Variants in ATP13A4 observed in about 807,000 individuals in gnomAD.
ATP13A4 encodes ATPase 13A4, also known as probable cation-transporting ATPase 13A4.
Under a neutral mutation model 142.5 loss-of-function variants are expected in ATP13A4, and 114 were observed. That is an observed-to-expected ratio of 0.80 (90% confidence interval 0.69 to 0.93). The LOEUF is 0.93. Ranked by LOEUF, ATP13A4 falls within the 40% of genes least tolerant of loss-of-function variation. The probability of loss-of-function intolerance (pLI) is 0.00; values close to 1 mark genes in which losing one functional copy is unlikely to be tolerated. For missense variants in ATP13A4, 1,392 were observed against 1,454.0 expected (o/e 0.96, Z 0.69); for synonymous variants, 488 against 514.8 (o/e 0.95, Z 0.70).
At chr3:193,556,885 C>A (rs139704753), upstream of ATP13A4, among the ~76,000 whole-genome samples, 60 of 152,202 alleles carry the variant, frequency 3.9e-4, no homozygotes, top group East Asian at 0.011. Flanking sequence ...CAAGCATATT[C>A]CAAATTTCAT....
At chr3:193,474,441 T>TCCC (rs1369675365) in intron 8 of ATP13A4, among the ~76,000 whole-genome samples, 7 of 144,210 alleles carry the variant, frequency 4.9e-5, no homozygotes, top group African/African-American at 1.8e-4. Flanking sequence ...GAAGCTGAGG[T>TCCC]AGGAGGATTA....
At chr3:193,465,177 A>T (rs1560207223) in intron 11 of ATP13A4, 49 bp from the exon 12 acceptor site, 13 of 1,578,660 alleles carry the variant, frequency 8.2e-6, no homozygotes, top group Non-Finnish European at 1.0e-5. Context: ...TCTGATGAAC[A>T]GCATATGACT....
intron 12 of ATP13A4, 58 bp from the exon 13 acceptor site, chr3:193,462,881 A>C: frequency 4.6e-5 from 71 of 1,543,842 alleles, no homozygotes; most frequent in Non-Finnish European, 5.6e-5. Context: ...GCGGTGGCTC[A>C]TGCCTGTAAT....
rs749717864 is a variant in ATP13A4 at position 193,421,244 on chromosome 3, G to A, written c.2843-6494C>T. Reference sequence around the variant, plus strand: ...TTTCTCAGCAAAATCCCTGCAGGACGGGAGAGAGTGAGATGATATATTCAA... The same window carrying A: ...TTTCTCAGCAAAATCCCTGCAGGACAGGAGAGAGTGAGATGATATATTCAA... On this transcript the variant is annotated intron_variant, in intron 25 of 29. Coordinates refer to ENST00000342695, the MANE Select transcript of ATP13A4 (RefSeq NM_032279.4). Among the ~76,000 whole-genome samples the A allele has an allele frequency of 4.0e-5, 6 of 149,634 alleles. 1 individual carries two copies. Among genetic ancestry groups the A allele is most frequent in the Non-Finnish European group, 8.9e-5 (6 of 67,716 alleles).
chr3:193,438,658 C>T, intron 22 of ATP13A4, 74 bp from the exon 23 acceptor site: 1 of 1,300,780 alleles, frequency 7.7e-7, no homozygotes, highest in Non-Finnish European at 1.1e-6. Context: ...AAGAAAAGGC[C>T]AGTTAAGCTG....
chr3:193,441,680 C>G, intron 19 of ATP13A4, 92 bp from the exon 20 acceptor site: 1 of 1,457,730 alleles, frequency 6.9e-7, no homozygotes, highest in East Asian at 2.3e-5. Context: ...TGAAGACAGA[C>G]CAGGATCTAT....
upstream of ATP13A4, among the ~76,000 whole-genome samples, chr3:193,555,866 G>A (rs747040251): frequency 3.3e-5 from 5 of 152,184 alleles, no homozygotes; most frequent in Non-Finnish European, 7.3e-5. Flanking sequence ...CACTGGCCTT[G>A]CTGTGTGATC....
At position 193,408,783 on chromosome 3, in the gene ATP13A4, C is replaced by T. The variant is rs373858235; in HGVS notation, c.3298-1390G>A. ...TCTGAGATGCTACACATCTAGCCCTCCTTCTTCCCTCCCTTCGTTTTAGAG... is the reference window on the plus strand; with the variant it reads ...TCTGAGATGCTACACATCTAGCCCTTCTTCTTCCCTCCCTTCGTTTTAGAG... On this transcript the variant is annotated intron_variant, in intron 28 of 29. Coordinates refer to ENST00000342695, the MANE Select transcript of ATP13A4 (RefSeq NM_032279.4). 3.3e-5 allele frequency among the ~76,000 whole-genome samples: 5 copies of T among 152,112 alleles called. No individual in the cohort carries two copies. In the South Asian group the frequency reaches 8.3e-4, roughly 25 times the overall value.
intron 25 of ATP13A4, among the ~76,000 whole-genome samples, chr3:193,422,776 G>A (rs1184662641): frequency 1.3e-5 from 2 of 149,506 alleles, no homozygotes; most frequent in African/African-American, 2.5e-5. Context: ...CATGAATAAA[G>A]AAGAAATAAC....
chr3:193,498,141 T>C (rs1401325463), intron 3 of ATP13A4, among the ~76,000 whole-genome samples: 1 of 152,164 alleles, frequency 6.6e-6, no homozygotes, highest in Middle Eastern at 3.2e-3. Context: ...ATTTGATTTA[T>C]ACATAATGTA....
At chr3:193,417,218 A>T (rs1715110809) in intron 25 of ATP13A4, 1 of 152,228 alleles carries the variant, frequency 6.6e-6, no homozygotes, top group African/African-American at 2.4e-5. Flanking sequence ...CCTAAAAGAA[A>T]TGCTAAAGGG....
chr3:193,477,115 G>A (rs935877584), intron 8 of ATP13A4, among the ~76,000 whole-genome samples: 2 of 151,976 alleles, frequency 1.3e-5, no homozygotes, highest in Non-Finnish European at 2.9e-5. Context: ...AAAACAAAGC[G>A]TGCTTGCATA....
At chr3:193,540,657 A>G (rs1246615401) in intron 1 of ATP13A4, among the ~76,000 whole-genome samples, 1 of 151,992 alleles carries the variant, frequency 6.6e-6, no homozygotes, top group Non-Finnish European at 1.5e-5. Context: ...GTATATCAGT[A>G]GGGCAATTAT....
At chr3:193,481,024 A>G (rs1006205009) in intron 8 of ATP13A4, among the ~76,000 whole-genome samples, 6 of 152,226 alleles carry the variant, frequency 3.9e-5, no homozygotes, top group African/African-American at 1.4e-4. Context: ...TAACTCAGGA[A>G]TGGAAAACTA....
intron 1 of ATP13A4, among the ~76,000 whole-genome samples, chr3:193,549,431 TATAGAGAGAG>T (rs2108726811): frequency 7.3e-6 from 1 of 136,378 alleles, no homozygotes; most frequent in Middle Eastern, 3.7e-3. Flanking sequence ...TATATATATA[TATAGAGAGAG>T]AGAGAGAGAG....
intron 26 of ATP13A4, among the ~76,000 whole-genome samples, chr3:193,413,901 C>T (rs1714909576): frequency 6.6e-6 from 1 of 152,090 alleles, no homozygotes; most frequent in Non-Finnish European, 1.5e-5. Flanking sequence ...TCTTTATTGG[C>T]CTCAGAAGCA....
chr3:193,554,824 C>T lies in ATP13A4; in HGVS notation c.-25G>A, dbSNP rs376810196. ...TGAAAAAGTTATTCCACACCTCCTC[C>T]CTGACCTTGTCGTGCAGACGCTTCC... is the stretch of plus-strand genomic sequence containing the variant. On this transcript the variant is annotated 5_prime_UTR_variant, in exon 1 of 30. Transcript: ENST00000342695. The T allele has an allele frequency of 2.5e-6, 4 of 1,613,972 alleles. No individual in the cohort carries two copies. The highest frequency in any genetic ancestry group is 3.4e-6 in the Non-Finnish European group (4 of 1,180,012).
intron 8 of ATP13A4, 126 bp downstream of exon 8, chr3:193,483,810 T>A: frequency 1.1e-6 from 1 of 933,186 alleles, no homozygotes; most frequent in Non-Finnish European, 1.7e-6. Flanking sequence ...TCCTCATCCC[T>A]TTGAACAAAT....
intron 8 of ATP13A4, among the ~76,000 whole-genome samples, chr3:193,479,414 G>T (rs757930714): frequency 3.3e-5 from 5 of 152,150 alleles, no homozygotes; most frequent in Non-Finnish European, 5.9e-5. Flanking sequence ...AATGAATTCA[G>T]CAAAGTTTCA....
Sources: allele counts gnomAD v4.1 joint callset (sites outside exome capture counted in the v4.1 genomes callset), GRCh38; gene constraint gnomAD v4.1.1; transcripts MANE v1.5; gene names NCBI Gene and HGNC (gene_info 2026-07-23, HGNC 2026-07-21).